Variants in STYXL1 observed in about 807,000 individuals in gnomAD.
STYXL1 encodes serine/threonine/tyrosine-interacting-like protein 1.
In STYXL1, 32 loss-of-function variants were observed where a neutral mutation model predicts 36.4. That is an observed-to-expected ratio of 0.88 (90% confidence interval 0.66 to 1.18). STYXL1 has a LOEUF of 1.18. Among genes scored for constraint, STYXL1 ranks in the 50% most tolerant of loss-of-function variants. The pLI is 0.00. For synonymous variants in STYXL1, 133 were observed against 144.1 expected, an observed-to-expected ratio of 0.92 and a Z score of 0.55; for missense variants, 354 against 394.1, an observed-to-expected ratio of 0.90 and a Z score of 0.86.
At chr7:76,020,837 C>T (rs932202667) in intron 4 of STYXL1, among the ~76,000 whole-genome samples, 1 of 152,002 alleles carries the variant, frequency 6.6e-6, no homozygotes, top group African/African-American at 2.4e-5. Context: ...TGTTAGTTAG[C>T]GTCCTTGTAA....
At chr7:76,016,328 A>G (rs528915380) in intron 4 of STYXL1, among the ~76,000 whole-genome samples, 2 of 151,622 alleles carry the variant, frequency 1.3e-5, no homozygotes, top group South Asian at 2.1e-4. Context: ...ATCTATACAT[A>G]TGTGTGTATA....
In STYXL1 at chr7:76,005,857, AGAGAGGAGGAAGAGAGAGGAG is replaced by A. The variant is rs1563467858; in HGVS notation, c.454-474_454-454del. Among the ~76,000 whole-genome samples, 68 of 23,832 alleles carry A rather than the reference AGAGAGGAGGAAGAGAGAGGAG, an allele frequency of 2.9e-3. 1 individual carries two copies. Among genetic ancestry groups the A allele is most frequent in the Non-Finnish European group, 6.0e-3 (58 of 9,678 alleles). 15.6% of individuals were successfully genotyped at this position (23,832 alleles called of 152,430 possible). A position where few individuals can be genotyped will look rare whatever the true frequency, so the allele number is the denominator to read the frequency against. On this transcript the variant is annotated intron_variant, in intron 5 of 8. Transcript: ENST00000359697. ...GAGAGGAGGAGGAAGAGAGAGGAGG[AGAGAGGAGGAAGAGAGAGGAG>A]GAGAGAGGAGGAGGAGGAGGAGAGA...
intron 5 of STYXL1, among the ~76,000 whole-genome samples, chr7:76,011,796 A>G (rs555092341): frequency 6.6e-6 from 1 of 152,310 alleles, no homozygotes; most frequent in African/African-American, 2.4e-5. Context: ...GGCTCTGGGA[A>G]GCTCAAGTGC....
chr7:76,030,171 G>T (rs1300536445), intron 2 of STYXL1, among the ~76,000 whole-genome samples: 1 of 151,790 alleles, frequency 6.6e-6, no homozygotes, highest in Non-Finnish European at 1.5e-5. Flanking sequence ...TAATTTTTTT[G>T]TATTTTTAGT....
At chr7:76,013,950 A>C (rs1792927466) in intron 4 of STYXL1, 63 bp from the exon 5 acceptor site, 7 of 1,470,066 alleles carry the variant, frequency 4.8e-6, no homozygotes, top group Non-Finnish European at 6.4e-6. Flanking sequence ...TAGAGCTGGG[A>C]TAGATGACCA....
chr7:76,028,603 G>A lies in STYXL1; in HGVS notation c.165+39C>T, dbSNP rs781787790. ...CCACTCTTCCCCACCCCACTGCAAG[G>A]TAGCCAGCCTGCCCCAGATCCTGAC... On this transcript the variant is annotated intron_variant, in intron 3 of 8. Coordinates refer to ENST00000359697, the MANE Select transcript of STYXL1 (RefSeq NM_001317785.2). The A allele has an allele frequency of 3.7e-6, 6 of 1,603,698 alleles. No homozygotes were observed. The East Asian group carries it at 8.9e-5, about 24-fold the overall frequency.
intron 1 of STYXL1, among the ~76,000 whole-genome samples, chr7:76,039,834 A>G (rs571237045): frequency 4.1e-4 from 63 of 151,994 alleles, no homozygotes; most frequent in African/African-American, 1.5e-3. Flanking sequence ...TTTTATAGAG[A>G]CGGGGTTTCA....
rs1554563989 is a variant in STYXL1, at chr7:75,996,433, G to C, written c.*35C>G. ...CACCCACAAAATGCCCCCAGGTGAG[G>C]CTCTTCAGTACCCTTCGGTGGGCCT... On this transcript the variant is annotated 3_prime_UTR_variant, in exon 9 of 9. Transcript: ENST00000359697. The C allele has an allele frequency of 6.2e-7, 1 of 1,613,954 alleles. No individual in the cohort carries two copies. The highest frequency in any genetic ancestry group is 1.3e-5 in the African/African-American group (1 of 74,938).
chr7:76,012,230 CCAGAGTGCTAAAACTACAGG>C, intron 5 of STYXL1, among the ~76,000 whole-genome samples: 1 of 152,196 alleles, frequency 6.6e-6, no homozygotes, highest in East Asian at 1.9e-4. Flanking sequence ...CCTTGGCCTC[CCAGAGTGCTAAAACTACAGG>C]TGTGAGTCGC....
chr7:76,035,657 G>T (rs1240288613), intron 1 of STYXL1, among the ~76,000 whole-genome samples: 1 of 149,720 alleles, frequency 6.7e-6, no homozygotes, highest in Non-Finnish European at 1.5e-5. Context: ...TTTGGCAGTG[G>T]TAAGTATAGA....
At chr7:76,007,464 C>T (rs757619668) in intron 5 of STYXL1, among the ~76,000 whole-genome samples, 2 of 152,026 alleles carry the variant, frequency 1.3e-5, no homozygotes, top group East Asian at 1.9e-4. Flanking sequence ...TTAGGTTAGA[C>T]GCAAATACTA....
At chr7:75,997,197 C>T (rs1414441198) in intron 8 of STYXL1, among the ~76,000 whole-genome samples, 5 of 151,862 alleles carry the variant, frequency 3.3e-5, no homozygotes, top group African/African-American at 4.8e-5. Context: ...TTTGGGGGGC[C>T]GAGACGGGTG....
intron 3 of STYXL1, among the ~76,000 whole-genome samples, chr7:76,024,572 G>T (rs184933569): frequency 5.3e-4 from 81 of 152,160 alleles, no homozygotes; most frequent in Non-Finnish European, 1.1e-3. Flanking sequence ...AGCTGTGATG[G>T]TGCCATTGCA....
At chr7:76,021,792 T>C (rs988879598) in intron 4 of STYXL1, 59 bp downstream of exon 4, 23 of 1,301,228 alleles carry the variant, frequency 1.8e-5, no homozygotes, top group Non-Finnish European at 2.4e-5. Flanking sequence ...GTTGGTCCTA[T>C]AACAAATTTG....
chr7:76,040,979 C>T (rs1343926183), intron 1 of STYXL1, among the ~76,000 whole-genome samples: 1 of 151,918 alleles, frequency 6.6e-6, no homozygotes, highest in Non-Finnish European at 1.5e-5. Flanking sequence ...CCAGGCAAGG[C>T]AGGATGATAA....
At chr7:76,016,378 C>T (rs1193890084) in intron 4 of STYXL1, among the ~76,000 whole-genome samples, 2 of 150,320 alleles carry the variant, frequency 1.3e-5, no homozygotes, top group East Asian at 2.0e-4. Context: ...ACATATATAG[C>T]GTATATACGT....
At chr7:76,019,986 G>C (rs1028958474) in intron 4 of STYXL1, among the ~76,000 whole-genome samples, 1 of 150,272 alleles carries the variant, frequency 6.7e-6, no homozygotes, top group Non-Finnish European at 1.5e-5. Context: ...AGATGGTCTT[G>C]TACCCCCAAA....
chr7:75,997,480 T>C (rs1790273640), intron 8 of STYXL1, among the ~76,000 whole-genome samples: 1 of 152,122 alleles, frequency 6.6e-6, no homozygotes. Context: ...AAAGGCCATA[T>C]ATGAGAAGCC....
chr7:76,003,535 C>T (rs914795109), intron 7 of STYXL1, among the ~76,000 whole-genome samples: 2 of 152,234 alleles, frequency 1.3e-5, no homozygotes, highest in African/African-American at 4.8e-5. Context: ...GCCCCACTGC[C>T]CCCGAGGTAA....
Sources: allele counts gnomAD v4.1 joint callset (sites outside exome capture counted in the v4.1 genomes callset), GRCh38; gene constraint gnomAD v4.1.1; transcripts MANE v1.5; gene names NCBI Gene and HGNC (gene_info 2026-07-23, HGNC 2026-07-21).